The following PGR variants were observed in gnomAD, a reference collection of about 807,000 sequenced individuals.
The protein encoded by PGR is progesterone receptor, also known as nuclear receptor subfamily 3 group C member 3.
PGR carries 25 observed loss-of-function variants against 76.1 expected under a neutral mutation model. That is an observed-to-expected ratio of 0.33 (90% CI 0.24 to 0.46). The LOEUF (loss-of-function observed/expected upper bound fraction) is 0.46. Ranked by LOEUF, PGR falls within the 20% of genes least tolerant of loss-of-function variation. The pLI is 1.00. For missense variants in PGR, 1,172 were observed against 1,225.3 expected (o/e 0.96, Z 0.65); for synonymous variants, 579 against 535.0 (o/e 1.08, Z -1.14).
rs187765363 is a variant in PGR, at chr11:101,076,314, C to T, written c.1907-13562G>A. ...GGGAATGTCACACACAGGGATCTGT[C>T]GGGGGGTGGGGGGCTAAGGGAGGGA... On this transcript the variant is annotated intron_variant, in intron 3 of 7. Transcript: ENST00000325455. 6.7e-3 allele frequency among the ~76,000 whole-genome samples: 497 copies of T among 73,680 alleles called. 3 individuals carry two copies. Among genetic ancestry groups the T allele is most frequent in the African/African-American group, 0.025 (465 of 18,858 alleles). 48.3% of individuals were successfully genotyped at this position (73,680 alleles called of 152,430 possible). A position where few individuals can be genotyped will look rare whatever the true frequency, so the allele number is the denominator to read the frequency against.
At position 101,033,680 on chromosome 11, in the gene PGR, T is replaced by C. The variant is rs934172770; in HGVS notation, c.*5436A>G. ...TTTGGTGGATAGATACTTCAAGGTA[T>C]AGACTTTTCTGGGGGAGGAGAAAAT... On this transcript the variant is annotated 3_prime_UTR_variant, in exon 8 of 8. Transcript: ENST00000325455. 4 of 202,264 alleles carry C rather than the reference T, an allele frequency of 2.0e-5. No homozygotes were observed. Among genetic ancestry groups the C allele is most frequent in the Non-Finnish European group, 4.1e-5 (4 of 98,432 alleles). The allele number at this position is 202,264 out of a possible 1,614,324, so 12.5% of individuals were successfully genotyped here.
rs112288755 is a variant in PGR at position 101,093,312 on chromosome 11, A to ATTT, written c.1790-1439_1790-1437dup. 7.8e-3 allele frequency among the ~76,000 whole-genome samples: 1,133 copies of ATTT among 145,826 alleles called. 9 individuals carry two copies. Among genetic ancestry groups the ATTT allele is most frequent in the African/African-American group, 0.028 (1,102 of 40,050 alleles). ...CATACTACTTTCTGATTTGACTCTA[A>ATTT]TTTTTTTTTTTTTTACCACAAGTTA... On this transcript the variant is annotated intron_variant, in intron 2 of 7. Transcript: ENST00000325455.
chr11:101,091,256 A>G (rs1861665429), intron 3 of PGR, among the ~76,000 whole-genome samples: 1 of 152,264 alleles, frequency 6.6e-6, no homozygotes, highest in South Asian at 2.1e-4. Flanking sequence ...AATTATTAAT[A>G]TAACTCTTCA....
chr11:101,079,421 CA>C (rs141102184), intron 3 of PGR, among the ~76,000 whole-genome samples: 14,485 of 143,202 alleles, frequency 0.1, 750 homozygotes, highest in East Asian at 0.17. Flanking sequence ...AGCTCAATAG[CA>C]AAAAAAAAAA....
At chr11:101,077,739 A>G (rs1861174100) in intron 3 of PGR, among the ~76,000 whole-genome samples, 1 of 152,204 alleles carries the variant, frequency 6.6e-6, no homozygotes, top group Non-Finnish European at 1.5e-5. Flanking sequence ...TAGGGTAAAC[A>G]ACCAGACTGA....
At position 101,038,808 on chromosome 11, in the gene PGR, T is replaced by A. The variant is rs1859597508; in HGVS notation, c.*308A>T. 3.8e-6 allele frequency: 1 copy of A among 260,290 alleles called. No homozygotes were observed. Among genetic ancestry groups the A allele is most frequent in the Non-Finnish European group, 7.4e-6 (1 of 135,332 alleles). The allele number at this position is 260,290 out of a possible 1,614,324, so 16.1% of individuals were successfully genotyped here. On this transcript the variant is annotated 3_prime_UTR_variant, in exon 8 of 8. Transcript: ENST00000325455. ...GTCGATGATTTGTTAGATGCAAAAG[T>A]TAAAAATCCTCACCTACATGGTATG...
chr11:101,114,856 G>A (rs1862453786), intron 2 of PGR, among the ~76,000 whole-genome samples: 1 of 152,006 alleles, frequency 6.6e-6, no homozygotes, highest in Non-Finnish European at 1.5e-5. Flanking sequence ...ATATACTGCT[G>A]ATATACTAAT....
rs142425300 is a variant in PGR, at chr11:101,112,304, G to C, written c.1789+13703C>G. Among the ~76,000 whole-genome samples the C allele has an allele frequency of 4.3e-3, 654 of 152,270 alleles. 8 individuals carry two copies. Among genetic ancestry groups the C allele is most frequent in the African/African-American group, 0.015 (634 of 41,550 alleles). Reference sequence around the variant, plus strand: ...TTATATTTTAAGATGAGAAAAGGAAGAGCATGTTGTAGGCTGACAGGAATT... The same window carrying C: ...TTATATTTTAAGATGAGAAAAGGAACAGCATGTTGTAGGCTGACAGGAATT... On this transcript the variant is annotated intron_variant, in intron 2 of 7. Transcript: ENST00000325455.
chr11:101,108,540 C>T lies in PGR; in HGVS notation c.1790-16664G>A, dbSNP rs191288861. On this transcript the variant is annotated intron_variant, in intron 2 of 7. Coordinates refer to ENST00000325455, the MANE Select transcript of PGR (RefSeq NM_000926.4). ...CTTGACTACAATAAGAGTTTTAAGT[C>T]TTTTCAATAAATCTTCAATCAGTTG... Among the ~76,000 whole-genome samples, 577 of 152,224 alleles carry T rather than the reference C, an allele frequency of 3.8e-3. 2 individuals are homozygous for T. Among genetic ancestry groups the T allele is most frequent in the Middle Eastern group, 0.024 (7 of 294 alleles).
At position 101,091,655 on chromosome 11, in the gene PGR, A is replaced by G. The variant is rs991884476; in HGVS notation, c.1906+105T>C. 5 of 745,490 alleles carry G rather than the reference A, an allele frequency of 6.7e-6. No individual in the cohort carries two copies. The African/African-American group carries it at 8.7e-5, about 13-fold the overall frequency. The allele number at this position is 745,490 out of a possible 1,614,324, so 46.2% of individuals were successfully genotyped here. ...CAGAGTCACTGCCAATAATCAAGAC[A>G]GAAAAAACAAAAACAAAGATGAATA... On this transcript the variant is annotated intron_variant, in intron 3 of 7. Coordinates refer to ENST00000325455, the MANE Select transcript of PGR (RefSeq NM_000926.4).
At chr11:101,103,657 C>T (rs1190054811) in intron 2 of PGR, among the ~76,000 whole-genome samples, 1 of 152,156 alleles carries the variant, frequency 6.6e-6, no homozygotes, top group Non-Finnish European at 1.5e-5. Context: ...ATTTAGTACT[C>T]AAAGAGGAAA....
At chr11:101,071,510 G>C (rs934993384) in intron 3 of PGR, among the ~76,000 whole-genome samples, 4 of 151,880 alleles carry the variant, frequency 2.6e-5, no homozygotes, top group African/African-American at 7.2e-5. Flanking sequence ...TTCAGGAGGC[G>C]GGTAATGACA....
At chr11:101,101,933 G>C (rs1027552089) in intron 2 of PGR, among the ~76,000 whole-genome samples, 1 of 152,098 alleles carries the variant, frequency 6.6e-6, no homozygotes, top group Non-Finnish European at 1.5e-5. Context: ...AGCACATAAG[G>C]GGGTCATGAG....
In PGR at chr11:101,128,030, A is replaced by C. The variant is rs779346757; in HGVS notation, c.1041T>G (p.Cys347Trp). The change falls in exon 1 of 8, where the codon TGT (cysteine) becomes TGG (tryptophan). Residue 347 changes from cysteine (C) to tryptophan (W), a missense_variant. Coordinates refer to ENST00000325455, the MANE Select transcript of PGR (RefSeq NM_000926.4). ...SAFAPPRSSP[C>W]ASSTPVAVGD... The stretch of plus-strand genomic sequence containing the variant: ...CTACAGCGACCGGGGTGGACGAGGC[A>C]CAGGGTGAACTCCGCGGCGGGGCAA... The C allele has an allele frequency of 3.1e-6, 5 of 1,607,960 alleles. No homozygotes were observed. Among genetic ancestry groups the C allele is most frequent in the Non-Finnish European group, 2.5e-6 (3 of 1,179,802 alleles).
intron 3 of PGR, among the ~76,000 whole-genome samples, chr11:101,069,085 T>C (rs1860824397): frequency 6.6e-6 from 1 of 151,930 alleles, no homozygotes. Flanking sequence ...ACAGGCAACC[T>C]ATAGAATGGG....
At chr11:101,055,722 A>T (rs1860266069) in intron 4 of PGR, among the ~76,000 whole-genome samples, 1 of 152,158 alleles carries the variant, frequency 6.6e-6, no homozygotes, top group African/African-American at 2.4e-5. Context: ...CCAAAAACAG[A>T]TCCTGTCTAC....
In PGR at chr11:101,035,140, T is replaced by C. The variant is rs960244867; in HGVS notation, c.*3976A>G. On this transcript the variant is annotated 3_prime_UTR_variant, in exon 8 of 8. Coordinates refer to ENST00000325455, the MANE Select transcript of PGR (RefSeq NM_000926.4). Reference sequence around the variant, plus strand: ...CAGGCATACTTTGGGAAAAACAAACTTATGCCATTACTTGTCTCCTTGTCC... The same window carrying C: ...CAGGCATACTTTGGGAAAAACAAACCTATGCCATTACTTGTCTCCTTGTCC... The C allele has an allele frequency of 1.7e-4, 35 of 210,990 alleles. No individual in the cohort carries two copies. Among genetic ancestry groups the C allele is most frequent in the African/African-American group, 6.8e-4 (30 of 44,238 alleles). The allele number at this position is 210,990 out of a possible 1,614,324, so 13.1% of individuals were successfully genotyped here. A position where few individuals can be genotyped will look rare whatever the true frequency, so the allele number is the denominator to read the frequency against.
intron 3 of PGR, among the ~76,000 whole-genome samples, chr11:101,065,009 A>G (rs1860664703): frequency 6.6e-6 from 1 of 152,240 alleles, no homozygotes; most frequent in African/African-American, 2.4e-5. Context: ...GTAGTAGGCT[A>G]TACCATCTAA....
At chr11:101,108,342 C>A (rs940414283) in intron 2 of PGR, among the ~76,000 whole-genome samples, 1 of 151,576 alleles carries the variant, frequency 6.6e-6, no homozygotes, top group Non-Finnish European at 1.5e-5. Context: ...GAGTTCCAGA[C>A]CAGCCTGCAA....
Sources: gnomAD v4.1 joint callset for allele counts (sites outside exome capture counted in the v4.1 genomes callset) on GRCh38, gnomAD v4.1.1 for gene constraint, MANE v1.5 for transcripts, NCBI Gene and HGNC (gene_info 2026-07-23, HGNC 2026-07-21) for gene names.